CDH23: variants seen among roughly 807,000 people sequenced by gnomAD.
The protein encoded by CDH23 is cadherin-23.
CDH23 carries 189 observed loss-of-function variants against 317.1 expected under a neutral mutation model. The observed-to-expected ratio is 0.60, with a 90% CI of 0.53 to 0.67. The LOEUF is 0.67. CDH23 is among the 30% of genes least tolerant of loss of function. The pLI, the probability that CDH23 is intolerant of heterozygous loss-of-function variation, is 0.00. For synonymous variants in CDH23, 1,839 were observed against 1,876.8 expected (o/e 0.98, Z 0.52); for missense variants, 4,401 against 4,592.4 (o/e 0.96, Z 1.20).
At chr10:71,715,902 AG>A (rs1866196279) in intron 28 of CDH23, 4 of 1,442,678 alleles carry the variant, frequency 2.8e-6, no homozygotes, top group Non-Finnish European at 3.7e-6. Flanking sequence ...AGGTAGACCT[AG>A]GGGGATGTGG....
chr10:71,402,388 G>A (rs188600554), intron 1 of CDH23, among the ~76,000 whole-genome samples: 7 of 152,306 alleles, frequency 4.6e-5, no homozygotes, highest in Non-Finnish European at 8.8e-5. Context: ...GCAGTTTGCA[G>A]GCCGACAGAC....
chr10:71,542,895 G>C (rs118135877), intron 6 of CDH23, among the ~76,000 whole-genome samples: 1 of 152,252 alleles, frequency 6.6e-6, no homozygotes, highest in Non-Finnish European at 1.5e-5. Flanking sequence ...GGGTGGCAGC[G>C]TGCAGGGGGC....
At chr10:71,688,565 G>T (rs1865006844) in intron 19 of CDH23, among the ~76,000 whole-genome samples, 1 of 148,726 alleles carries the variant, frequency 6.7e-6, no homozygotes, top group Non-Finnish European at 1.5e-5. Context: ...GGATGGTGGA[G>T]CCAGGGGTTG....
Position 71,707,017 on chromosome 10 carries a change from G to T in CDH23, c.3074G>T (p.Gly1025Val). ...VWLNCTDNDV[G>V]LNAELSYFIT... ...CTGAACTGCACGGACAACGACGTGG[G>T]CCTCAATGCAGAGCTCAGCTACTTC... is the stretch of plus-strand genomic sequence containing the variant. The change falls in exon 26 of 70, where the codon GGC becomes GTC. Residue 1025 changes from glycine (G) to valine (V), a missense_variant. Around this residue, in one of 3 missense-constraint regions of CDH23, gnomAD observed 3,068 missense variants for 3,203.3 expected, o/e 0.96. Coordinates refer to ENST00000224721, the MANE Select transcript of CDH23 (RefSeq NM_022124.6). The T allele has an allele frequency of 1.2e-6, 2 of 1,607,448 alleles. No homozygotes were observed. The highest frequency in any genetic ancestry group is 2.2e-5 in the East Asian group (1 of 44,604).
intron 18 of CDH23, among the ~76,000 whole-genome samples, chr10:71,684,439 C>G (rs35188551): frequency 0.062 from 9,443 of 152,096 alleles, 336 homozygotes; most frequent in Non-Finnish European, 0.081. Context: ...CTCCACCCCC[C>G]CTGGAGACAC....
In CDH23 at chr10:71,723,414, C is replaced by A. The variant is rs865933786; in HGVS notation, c.3370-631C>A. Among the ~76,000 whole-genome samples the A allele has an allele frequency of 6.6e-5, 10 of 152,156 alleles. 1 individual carries two copies. The highest frequency in any genetic ancestry group is 1.5e-4 in the Non-Finnish European group (10 of 68,030). ...TCAGAGTGACAACAACGTCCCCCCC[C>A]ACACACAAGCCCACCAGAGGAAACA... On this transcript the variant is annotated intron_variant, in intron 28 of 69. Coordinates refer to ENST00000224721, the MANE Select transcript of CDH23 (RefSeq NM_022124.6).
chr10:71,736,854 G>T (rs1839581083), intron 34 of CDH23, among the ~76,000 whole-genome samples: 1 of 152,170 alleles, frequency 6.6e-6, no homozygotes. Flanking sequence ...TGTATGCCCT[G>T]AGAGAAAGCC....
chr10:71,429,602 A>G lies in CDH23; in HGVS notation c.-5-10225A>G, dbSNP rs116152171. 4.0e-3 allele frequency among the ~76,000 whole-genome samples: 613 copies of G among 152,226 alleles called. 5 individuals are homozygous for G. Among genetic ancestry groups the G allele is most frequent in the African/African-American group, 0.014 (580 of 41,570 alleles). ...TGAGAGGGGCTAGTGTGGCTGAAAT[A>G]CAGTGATCGGGGACAGGGGGGAAAG... is the stretch of plus-strand genomic sequence containing the variant. On this transcript the variant is annotated intron_variant, in intron 1 of 69. Coordinates refer to ENST00000224721, the MANE Select transcript of CDH23 (RefSeq NM_022124.6).
intron 26 of CDH23, among the ~76,000 whole-genome samples, chr10:71,707,930 G>T (rs757164045): frequency 6.6e-6 from 1 of 152,102 alleles, no homozygotes; most frequent in Admixed American, 6.5e-5. Flanking sequence ...TGCGGCCAAC[G>T]TGACCTCCCA....
intron 28 of CDH23, among the ~76,000 whole-genome samples, chr10:71,723,433 G>A (rs930035105): frequency 2.0e-5 from 3 of 152,148 alleles, no homozygotes; most frequent in African/African-American, 7.2e-5. Context: ...GCCCACCAGA[G>A]GAAACACATA....
chr10:71,674,268 A>T (rs1297583292), intron 14 of CDH23, among the ~76,000 whole-genome samples: 1 of 152,264 alleles, frequency 6.6e-6, no homozygotes, highest in African/African-American at 2.4e-5. Context: ...ATTCAGGCTT[A>T]TCATAAAGAA....
chr10:71,514,120 C>G (rs1226856396), intron 6 of CDH23, among the ~76,000 whole-genome samples: 2 of 151,986 alleles, frequency 1.3e-5, no homozygotes, highest in African/African-American at 4.8e-5. Flanking sequence ...TGGAGTTATG[C>G]AAGCAGAAGT....
At chr10:71,620,227 T>C (rs1250689420) in intron 11 of CDH23, among the ~76,000 whole-genome samples, 1 of 152,122 alleles carries the variant, frequency 6.6e-6, no homozygotes, top group East Asian at 1.9e-4. Context: ...GAACTAGTTA[T>C]GTGCCCCCAC....
chr10:71,471,010 A>T (rs1851479006), intron 3 of CDH23, among the ~76,000 whole-genome samples: 1 of 152,218 alleles, frequency 6.6e-6, no homozygotes, highest in Non-Finnish European at 1.5e-5. Context: ...GGTTCCTTAT[A>T]TACAGATAAA....
In CDH23 at chr10:71,515,357, T is replaced by TTCTCTCTCTCTCTC. The variant is rs3059687; in HGVS notation, c.429+4170_429+4183dup. Among the ~76,000 whole-genome samples, 99 of 126,244 alleles carry TTCTCTCTCTCTCTC rather than the reference T, an allele frequency of 7.8e-4. No individual in the cohort carries two copies. In the East Asian group the frequency reaches 9.2e-3, roughly 12 times the overall value. The allele number at this position is 126,244 out of a possible 152,430, so 82.8% of individuals were successfully genotyped here. A position where few individuals can be genotyped will look rare whatever the true frequency, so the allele number is the denominator to read the frequency against. The stretch of plus-strand genomic sequence containing the variant: ...TCAATGGCAATGGATACCTGTCTGT[T>TTCTCTCTCTCTCTC]TCTCTCTCTCTCTCTCTCTCTCTCT... On this transcript the variant is annotated intron_variant, in intron 6 of 69. Coordinates refer to ENST00000224721, the MANE Select transcript of CDH23 (RefSeq NM_022124.6).
At chr10:71,515,415 C>T (rs1854269307) in intron 6 of CDH23, among the ~76,000 whole-genome samples, 1 of 151,786 alleles carries the variant, frequency 6.6e-6, no homozygotes, top group African/African-American at 2.4e-5. Flanking sequence ...CACACACACA[C>T]ACACGCACAC....
chr10:71,425,533 G>T (rs1849036731), intron 1 of CDH23, among the ~76,000 whole-genome samples: 1 of 152,236 alleles, frequency 6.6e-6, no homozygotes, highest in African/African-American at 2.4e-5. Flanking sequence ...TCTAGAGCCA[G>T]CCCCGCCCAT....
At chr10:71,814,855 C>A in intron 69 of CDH23, 97 bp from the exon 70 acceptor site, 1 of 1,391,578 alleles carries the variant, frequency 7.2e-7, no homozygotes, top group Non-Finnish European at 9.5e-7. Context: ...GGTAGGAGCC[C>A]AAGGTTCAGC....
chr10:71,596,578 C>A (rs984900004), intron 9 of CDH23, among the ~76,000 whole-genome samples: 20 of 152,330 alleles, frequency 1.3e-4, no homozygotes, highest in Non-Finnish European at 2.4e-4. Context: ...AGCCTTTATT[C>A]GGTCCACTGT....
Sources: gnomAD v4.1 joint callset for allele counts (sites outside exome capture counted in the v4.1 genomes callset) on GRCh38, gnomAD v4.1.1 for gene constraint, gnomAD v4.1.1 regional missense constraint, MANE v1.5 for transcripts, NCBI Gene and HGNC (gene_info 2026-07-23, HGNC 2026-07-21) for gene names.